NAAA: variants seen among roughly 807,000 people sequenced by gnomAD.
The protein encoded by NAAA is N-acylethanolamine-hydrolyzing acid amidase.
In NAAA, 39 loss-of-function variants were observed where a neutral mutation model predicts 44.8. The observed-to-expected ratio is 0.87, with a 90% confidence interval of 0.67 to 1.14. The LOEUF (loss-of-function observed/expected upper bound fraction) is 1.14, where lower values mean the gene tolerates loss of function less well. Ranked by LOEUF, NAAA falls within the 50% of genes most tolerant of loss-of-function variation. NAAA has a pLI of 0.00. For synonymous variants in NAAA, 178 were observed against 191.3 expected (o/e 0.93, Z 0.58); for missense variants, 460 against 467.8 (o/e 0.98, Z 0.15).
rs1578073368 is a variant in NAAA, at chr4:75,931,262, A to G, written c.541T>C (p.Trp181Arg). 1 of 1,612,886 alleles carries G rather than the reference A, an allele frequency of 6.2e-7. No homozygotes were observed. Among genetic ancestry groups the G allele is most frequent in the Non-Finnish European group, 8.5e-7 (1 of 1,178,964 alleles). ...GTTFIGYVGLWTGQSPHKFTV... is the reference protein window; with the variant it reads ...GTTFIGYVGLRTGQSPHKFTV... ...AACTTGTGTGGGCTCTGGCCAGTCC[A>G]TAATCCTACATAGCCAATAAAAGTA... The change falls in exon 4 of 11, where the codon TGG (tryptophan) becomes CGG (arginine). Residue 181 changes from tryptophan to arginine, a missense_variant. By Grantham distance (101) the Trp-to-Arg change is moderately radical. Transcript: ENST00000286733.
At chr4:75,931,517 C>A (rs1727230487) in intron 3 of NAAA, among the ~76,000 whole-genome samples, 1 of 151,802 alleles carries the variant, frequency 6.6e-6, no homozygotes, top group Non-Finnish European at 1.5e-5. Flanking sequence ...AGATTTGTGA[C>A]CTTGGATGGG....
chr4:75,940,593 C>T, intron 1 of NAAA, 151 bp downstream of exon 1: 1 of 898,076 alleles, frequency 1.1e-6, no homozygotes, highest in South Asian at 1.9e-5. Flanking sequence ...TCTCCCCAAC[C>T]CGGACGCTGC....
chr4:75,929,237 C>T (rs1727016995), intron 4 of NAAA, among the ~76,000 whole-genome samples: 1 of 152,208 alleles, frequency 6.6e-6, no homozygotes, highest in African/African-American at 2.4e-5. Context: ...TTTGTTAAGC[C>T]TCCCCATGCC....
intron 2 of NAAA, chr4:75,939,605 C>CG (rs1265230381): frequency 5.9e-6 from 1 of 168,076 alleles, no homozygotes; most frequent in Non-Finnish European, 1.3e-5. Flanking sequence ...TTCGTAGAGA[C>CG]GGGGTTTCAC....
At chr4:75,912,348 T>A (rs534837273), downstream of NAAA, among the ~76,000 whole-genome samples, 1 of 149,862 alleles carries the variant, frequency 6.7e-6, no homozygotes, top group Non-Finnish European at 1.5e-5. Flanking sequence ...AGGTCAGGAG[T>A]TCGAGACCAG....
intron 3 of NAAA, among the ~76,000 whole-genome samples, chr4:75,934,735 T>C (rs896286674): frequency 2.6e-5 from 4 of 152,292 alleles, no homozygotes; most frequent in African/African-American, 9.6e-5. Context: ...GAGTCCTCCA[T>C]AGAAAAGCAA....
chr4:75,915,587 G>T (rs183118718), intron 9 of NAAA, among the ~76,000 whole-genome samples: 106 of 152,262 alleles, frequency 7.0e-4, no homozygotes, highest in African/African-American at 2.4e-3. Flanking sequence ...ACAAACCCTG[G>T]AAGTGGAGGT....
At chr4:75,919,537 G>C (rs990219525) in intron 8 of NAAA, 1 of 276,468 alleles carries the variant, frequency 3.6e-6, no homozygotes, top group African/African-American at 2.2e-5. Context: ...GGAGTGCAGT[G>C]GCGCAATCTC....
intron 9 of NAAA, among the ~76,000 whole-genome samples, chr4:75,917,955 C>G (rs6819442): frequency 6.6e-6 from 1 of 151,880 alleles, no homozygotes; most frequent in Non-Finnish European, 1.5e-5. Context: ...GAAATTCCTC[C>G]GGAGGATAAA....
In NAAA at chr4:75,920,769, A is replaced by T; in HGVS notation, c.871T>A (p.Trp291Arg). The change falls in exon 7 of 11, where the codon TGG becomes AGG. Residue 291 changes from tryptophan (W) to arginine (R), a missense_variant. Trp to Arg is a moderately radical substitution (Grantham distance 101). Transcript: ENST00000286733. ...WFRVETNYDHWKPAPKEDDRR... is the reference protein window; with the variant it reads ...WFRVETNYDHRKPAPKEDDRR... ...TCATCTTCCTTGGGTGCTGGCTTCC[A>T]GTGGTCGTAATTTGTCTCAACTCGG... 2 of 1,614,232 alleles carry T rather than the reference A, an allele frequency of 1.2e-6. No homozygotes were observed. The highest frequency in any genetic ancestry group is 1.7e-6 in the Non-Finnish European group (2 of 1,180,040).
chr4:75,937,343 A>C (rs1430307498), intron 2 of NAAA, among the ~76,000 whole-genome samples: 2 of 152,196 alleles, frequency 1.3e-5, no homozygotes, highest in Non-Finnish European at 2.9e-5. Context: ...CGCTTGAACC[A>C]GGGAGGCGGA....
At chr4:75,925,491 A>C (rs1560508176) in intron 5 of NAAA, among the ~76,000 whole-genome samples, 2 of 152,230 alleles carry the variant, frequency 1.3e-5, no homozygotes, top group Admixed American at 1.3e-4. Flanking sequence ...AGTTGAGCTC[A>C]GTTCACACTG....
chr4:75,932,016 G>A (rs1412563755), intron 3 of NAAA, among the ~76,000 whole-genome samples: 1 of 152,182 alleles, frequency 6.6e-6, no homozygotes, highest in Non-Finnish European at 1.5e-5. Context: ...GAACACCTGA[G>A]GTCGGGAGTT....
chr4:75,912,995 G>T (rs1332136597), downstream of NAAA, among the ~76,000 whole-genome samples: 1 of 152,042 alleles, frequency 6.6e-6, no homozygotes, highest in African/African-American at 2.4e-5. Flanking sequence ...TCTGTACCTG[G>T]ATAACACTTC....
chr4:75,929,148 G>A (rs972805758), intron 4 of NAAA, among the ~76,000 whole-genome samples: 1 of 152,086 alleles, frequency 6.6e-6, no homozygotes, highest in African/African-American at 2.4e-5. Context: ...CTCCTTGATC[G>A]TGGTCACCCA....
intron 7 of NAAA, among the ~76,000 whole-genome samples, chr4:75,920,281 C>T (rs982061712): frequency 1.4e-4 from 22 of 152,206 alleles, no homozygotes; most frequent in African/African-American, 5.1e-4. Flanking sequence ...GCTACCTGCA[C>T]TTTGGAACTG....
intron 4 of NAAA, among the ~76,000 whole-genome samples, chr4:75,930,847 C>T (rs1727165585): frequency 6.6e-6 from 1 of 152,152 alleles, no homozygotes; most frequent in African/African-American, 2.4e-5. Context: ...ATCCACCAAG[C>T]TTATTATTAC....
At chr4:75,925,047 A>G (rs1213410819) in intron 5 of NAAA, among the ~76,000 whole-genome samples, 1 of 151,134 alleles carries the variant, frequency 6.6e-6, no homozygotes, top group Non-Finnish European at 1.5e-5. Context: ...GCTGGAGTTC[A>G]GTGGCACCAT....
At chr4:75,930,472 T>C (rs553249011) in intron 4 of NAAA, 1 of 518,404 alleles carries the variant, frequency 1.9e-6, no homozygotes, top group East Asian at 5.5e-5. Flanking sequence ...AACAGGACTG[T>C]TGTGAGGGTC....
Sources: allele counts gnomAD v4.1 joint callset (sites outside exome capture counted in the v4.1 genomes callset), GRCh38; gene constraint gnomAD v4.1.1; transcripts MANE v1.5; gene names NCBI Gene and HGNC (gene_info 2026-07-23, HGNC 2026-07-21).